ZNF143: variants seen among roughly 807,000 people sequenced by gnomAD.
The protein encoded by ZNF143 is zinc finger protein 143.
Under a neutral mutation model 74.1 loss-of-function variants are expected in ZNF143, and 49 were observed. That is an observed-to-expected ratio of 0.66 (90% confidence interval 0.53 to 0.84). ZNF143 has a LOEUF of 0.84. ZNF143 is among the 40% of genes least tolerant of loss of function. ZNF143 has a pLI of 0.00. For synonymous variants in ZNF143, 304 were observed against 282.8 expected (o/e 1.07, Z -0.75); for missense variants, 637 against 793.4 (o/e 0.80, Z 2.37).
chr11:9,498,525 G>T (rs1439962776), intron 10 of ZNF143, among the ~76,000 whole-genome samples: 1 of 152,166 alleles, frequency 6.6e-6, no homozygotes, highest in Non-Finnish European at 1.5e-5. Context: ...ATTACTTTTT[G>T]TGATCATTTC....
intron 10 of ZNF143, 80 bp downstream of exon 10, chr11:9,497,880 G>T: frequency 9.3e-7 from 1 of 1,075,354 alleles, no homozygotes; most frequent in East Asian, 3.5e-5. Flanking sequence ...GCCTAGGCTG[G>T]AGTGCAGTGG....
intron 9 of ZNF143, 113 bp from the exon 10 acceptor site, chr11:9,497,562 A>G (rs1848005987): frequency 2.4e-6 from 2 of 831,358 alleles, no homozygotes; most frequent in African/African-American, 1.8e-5. Flanking sequence ...TATTCTGTGT[A>G]TTTGCCTGAT....
chr11:9,481,169 C>T (rs1847223296), intron 7 of ZNF143, among the ~76,000 whole-genome samples: 1 of 152,108 alleles, frequency 6.6e-6, no homozygotes, highest in African/African-American at 2.4e-5. Context: ...GGGAAGATTG[C>T]TTGAACCCAG....
At chr11:9,511,453 T>C (rs979565539) in intron 12 of ZNF143, among the ~76,000 whole-genome samples, 2 of 150,532 alleles carry the variant, frequency 1.3e-5, no homozygotes, top group African/African-American at 2.5e-5. Flanking sequence ...CCTGCCACCA[T>C]GCCCGGCTAT....
At chr11:9,472,889 G>T (rs1288057754) in intron 3 of ZNF143, 120 bp downstream of exon 3, 62 of 425,564 alleles carry the variant, frequency 1.5e-4, no homozygotes, top group Middle Eastern at 3.3e-4. Flanking sequence ...TGCATATGAT[G>T]ATTTTAAGTC....
chr11:9,517,235 G>C (rs1326889283), intron 14 of ZNF143, among the ~76,000 whole-genome samples: 1 of 151,052 alleles, frequency 6.6e-6, no homozygotes, highest in African/African-American at 2.4e-5. Flanking sequence ...TCTGCATCTT[G>C]TTGTTGTCTT....
rs954404348 is a variant in ZNF143 at position 9,520,025 on chromosome 11, A to ATTTTTTTTTTTTTTT, written c.1686+3678_1686+3692dup. Among the ~76,000 whole-genome samples the ATTTTTTTTTTTTTTT allele has an allele frequency of 1.2e-4, 11 of 91,386 alleles. 1 individual carries two copies. The highest frequency in any genetic ancestry group is 5.2e-4 in the African/African-American group (11 of 20,998). 60.0% of individuals were successfully genotyped at this position (91,386 alleles called of 152,430 possible). ...ATGTAGCAAGACACTGTTTCCACCA[A>ATTTTTTTTTTTTTTT]TTTTTTTTTTTTTTTTTTTTTTTTT... On this transcript the variant is annotated intron_variant, in intron 14 of 15. Coordinates refer to ENST00000396602, the MANE Select transcript of ZNF143 (RefSeq NM_003442.6).
chr11:9,493,294 T>A (rs1307033193), intron 7 of ZNF143, among the ~76,000 whole-genome samples: 1 of 152,014 alleles, frequency 6.6e-6, no homozygotes, highest in African/African-American at 2.4e-5. Context: ...ATGGTCTCGA[T>A]CTCTTGACCT....
At chr11:9,526,176 G>A (rs1347684966) in intron 15 of ZNF143, among the ~76,000 whole-genome samples, 1 of 151,634 alleles carries the variant, frequency 6.6e-6, no homozygotes, top group East Asian at 1.9e-4. Flanking sequence ...GCAACATGAC[G>A]AAACCCCATC....
chr11:9,466,337 C>T (rs1364110031), intron 1 of ZNF143, among the ~76,000 whole-genome samples: 1 of 150,744 alleles, frequency 6.6e-6, no homozygotes, highest in African/African-American at 2.4e-5. Flanking sequence ...CTCTTGTTGC[C>T]CAGGCTGGAG....
At chr11:9,462,412 T>C (rs181952447) in intron 1 of ZNF143, among the ~76,000 whole-genome samples, 2 of 151,954 alleles carry the variant, frequency 1.3e-5, no homozygotes, top group African/African-American at 4.8e-5. Flanking sequence ...ACAAAAAAAA[T>C]TTTTTTTAAG....
At chr11:9,478,323 C>A (rs1222913230) in intron 5 of ZNF143, 67 bp from the exon 6 acceptor site, 1 of 1,531,508 alleles carries the variant, frequency 6.5e-7, no homozygotes, top group East Asian at 2.3e-5. Context: ...TTCTCTCTTC[C>A]TTTAAATATG....
At chr11:9,515,077 G>A (rs907698432) in intron 13 of ZNF143, among the ~76,000 whole-genome samples, 2 of 152,086 alleles carry the variant, frequency 1.3e-5, no homozygotes, top group Admixed American at 6.5e-5. Flanking sequence ...GCGGTGAGCC[G>A]AGATCATGCC....
Position 9,512,522 on chromosome 11 carries a change from A to T in ZNF143, c.1450A>T (p.Thr484Ser). The change falls in exon 13 of 16, where the codon ACA (threonine) becomes TCA (serine). Residue 484 changes from threonine to serine, a missense_variant. This residue lies in a region of ZNF143 where 344 missense variants were observed against 485.6 expected (regional missense o/e 0.71). Coordinates refer to ENST00000396602, the MANE Select transcript of ZNF143 (RefSeq NM_003442.6). Reference protein sequence around the residue: ...TGVEGDDVVSTQVATVTQSGL... With the variant: ...TGVEGDDVVSSQVATVTQSGL... ...TGTAGAAGGGGACGACGTTGTTTCTACACAAGTAGCCACAGTAACCCAATC... is the reference window on the plus strand; with the variant it reads ...TGTAGAAGGGGACGACGTTGTTTCTTCACAAGTAGCCACAGTAACCCAATC... 1 of 1,614,206 alleles carries T rather than the reference A, an allele frequency of 6.2e-7. No homozygotes were observed. The highest frequency in any genetic ancestry group is 8.5e-7 in the Non-Finnish European group (1 of 1,180,020).
chr11:9,524,848 A>G (rs1167270595), intron 14 of ZNF143, among the ~76,000 whole-genome samples: 1 of 152,226 alleles, frequency 6.6e-6, no homozygotes, highest in Non-Finnish European at 1.5e-5. Flanking sequence ...AGAGGAAAAA[A>G]ATCATTTATT....
intron 14 of ZNF143, among the ~76,000 whole-genome samples, chr11:9,521,019 A>G (rs1848906038): frequency 6.6e-6 from 1 of 152,214 alleles, no homozygotes. Context: ...ATAGGTCACC[A>G]CAAAATTGAG....
At chr11:9,473,813 T>G (rs757016413) in intron 3 of ZNF143, 128 bp from the exon 4 acceptor site, 2 of 1,582,808 alleles carry the variant, frequency 1.3e-6, no homozygotes, top group Admixed American at 1.8e-5. Context: ...CTCAGAACAT[T>G]GAGGGAAGAA....
chr11:9,476,997 T>C (rs894911876), intron 5 of ZNF143, among the ~76,000 whole-genome samples: 1 of 151,402 alleles, frequency 6.6e-6, no homozygotes, highest in Non-Finnish European at 1.5e-5. Context: ...CTCCTGACCT[T>C]GTGATCTGCC....
chr11:9,475,152 C>T (rs964980457), intron 5 of ZNF143, among the ~76,000 whole-genome samples: 9 of 152,028 alleles, frequency 5.9e-5, no homozygotes, highest in East Asian at 3.9e-4. Context: ...GGATTATAGG[C>T]GTTAGCTACT....
Sources: gnomAD v4.1 joint callset for allele counts (sites outside exome capture counted in the v4.1 genomes callset) on GRCh38, gnomAD v4.1.1 for gene constraint, gnomAD v4.1.1 regional missense constraint, MANE v1.5 for transcripts, NCBI Gene and HGNC (gene_info 2026-07-23, HGNC 2026-07-21) for gene names.